The following MED15 variants were observed in gnomAD, a reference collection of about 807,000 sequenced individuals.
MED15 encodes mediator of RNA polymerase II transcription subunit 15.
A neutral mutation model predicts 118.7 loss-of-function variants in MED15; 41 were observed. The observed-to-expected ratio is 0.35, with a 90% CI of 0.27 to 0.45. The LOEUF is 0.45. Among genes scored for constraint, MED15 ranks in the 20% least tolerant of loss-of-function variants. The probability of loss-of-function intolerance (pLI) is 1.00; values close to 1 mark genes in which losing one functional copy is unlikely to be tolerated. For synonymous variants in MED15, 436 were observed against 413.9 expected, an observed-to-expected ratio of 1.05 and a Z score of -0.65; for missense variants, 740 against 1,025.5, an observed-to-expected ratio of 0.72 and a Z score of 3.80.
Position 20,551,385 on chromosome 22 carries a change from T to C in MED15, c.157-51T>C, listed in dbSNP as rs1037790377. The C allele has an allele frequency of 5.8e-6, 9 of 1,551,212 alleles. No individual in the cohort carries two copies. In the South Asian group the frequency reaches 1.0e-4, roughly 17 times the overall value. On this transcript the variant is annotated intron_variant, in intron 2 of 17. Transcript: ENST00000263205. ...GAGGGGGCGGGAAGGGGGAGTCCGA[T>C]GACTGCGCTTCTTCATCTGGTATTA...
At chr22:20,531,856 C>T (rs1262014977) in intron 1 of MED15, among the ~76,000 whole-genome samples, 2 of 152,230 alleles carry the variant, frequency 1.3e-5, no homozygotes, top group Non-Finnish European at 2.9e-5. Context: ...TACAGGGTTT[C>T]TGTGCAGCCG....
intron 1 of MED15, among the ~76,000 whole-genome samples, chr22:20,524,072 C>T (rs765268040): frequency 6.6e-6 from 1 of 152,130 alleles, no homozygotes; most frequent in Admixed American, 6.5e-5. Flanking sequence ...GTTAAAAAAA[C>T]ACTTTTATGT....
chr22:20,583,902 A>C, intron 13 of MED15: 1 of 234,102 alleles, frequency 4.3e-6, no homozygotes, highest in Non-Finnish European at 8.5e-6. Flanking sequence ...AGTACCTCCA[A>C]ACTGCATGGG....
chr22:20,571,055 C>T (rs945336872), intron 8 of MED15, among the ~76,000 whole-genome samples: 1 of 152,180 alleles, frequency 6.6e-6, no homozygotes, highest in African/African-American at 2.4e-5. Context: ...CCACTGTGCC[C>T]AGCCGAACTT....
intron 1 of MED15, among the ~76,000 whole-genome samples, chr22:20,532,530 G>T (rs1317970638): frequency 6.6e-6 from 1 of 152,186 alleles, no homozygotes; most frequent in Non-Finnish European, 1.5e-5. Flanking sequence ...CACAGACATA[G>T]CTATGGCAAC....
At chr22:20,585,862 G>A (rs2057120066) in intron 17 of MED15, 36 bp downstream of exon 17, 1 of 1,592,372 alleles carries the variant, frequency 6.3e-7, no homozygotes, top group Non-Finnish European at 8.6e-7. Context: ...GGGGACCCAG[G>A]GCAAGCAGGG....
At chr22:20,564,779 A>T in intron 6 of MED15, 91 bp downstream of exon 6, 1 of 1,576,260 alleles carries the variant, frequency 6.3e-7, no homozygotes, top group South Asian at 1.2e-5. Flanking sequence ...CAGTGCCCGG[A>T]GCCAGCCGAG....
intron 1 of MED15, among the ~76,000 whole-genome samples, chr22:20,529,026 G>T (rs1490862211): frequency 1.3e-5 from 2 of 152,138 alleles, no homozygotes; most frequent in Non-Finnish European, 2.9e-5. Context: ...CACTGGGTGG[G>T]CGCACCCCCT....
intron 1 of MED15, among the ~76,000 whole-genome samples, chr22:20,510,314 A>C (rs57046550): frequency 0.022 from 3,359 of 152,180 alleles, 44 homozygotes; most frequent in South Asian, 0.058. Context: ...TGAACCCGGG[A>C]GGCGGAGGTT....
At chr22:20,575,967 G>T (rs2056813220) in intron 9 of MED15, among the ~76,000 whole-genome samples, 1 of 152,138 alleles carries the variant, frequency 6.6e-6, no homozygotes, top group Non-Finnish European at 1.5e-5. Context: ...GATGTGTAGA[G>T]TGTGTAATTT....
intron 1 of MED15, among the ~76,000 whole-genome samples, chr22:20,519,288 C>G (rs190429143): frequency 5.7e-4 from 87 of 152,266 alleles, no homozygotes; most frequent in Non-Finnish European, 8.7e-4. Flanking sequence ...TAATGACTCT[C>G]TTTCTAGTCT....
Position 20,555,651 on chromosome 22 carries a change from C to T in MED15, c.451+503C>T, listed in dbSNP as rs572586299. Among the ~76,000 whole-genome samples, 5 of 152,358 alleles carry T rather than the reference C, an allele frequency of 3.3e-5. No homozygotes were observed. In the South Asian group the frequency reaches 1.0e-3, roughly 32 times the overall value. On this transcript the variant is annotated intron_variant, in intron 5 of 17. Coordinates refer to ENST00000263205, the MANE Select transcript of MED15 (RefSeq NM_001003891.3). ...TCCACACGGCTGCTGTGGTGGGAAA[C>T]TGGGCTGTGATCAGGTGTTATAGGT...
At chr22:20,570,256 C>T (rs1304573884) in intron 8 of MED15, among the ~76,000 whole-genome samples, 1 of 151,784 alleles carries the variant, frequency 6.6e-6, no homozygotes, top group Admixed American at 6.6e-5. Context: ...ATCTCTTGAC[C>T]TCGTGATCTG....
chr22:20,583,000 T>C (rs374607898), intron 11 of MED15, 33 bp downstream of exon 11: 3 of 1,601,118 alleles, frequency 1.9e-6, no homozygotes, highest in African/African-American at 1.3e-5. Context: ...AGGTCACTCC[T>C]CACCTTTATG....
At chr22:20,548,118 C>T (rs1386326315) in intron 2 of MED15, among the ~76,000 whole-genome samples, 1 of 152,096 alleles carries the variant, frequency 6.6e-6, no homozygotes, top group Non-Finnish European at 1.5e-5. Context: ...GCTGGGATTA[C>T]AAGACTGTGC....
intron 5 of MED15, among the ~76,000 whole-genome samples, chr22:20,561,209 G>A (rs2056226166): frequency 6.6e-6 from 1 of 152,018 alleles, no homozygotes; most frequent in African/African-American, 2.4e-5. Context: ...AATCAAAAAA[G>A]ACAAAGAAGC....
chr22:20,535,351 A>C (rs1046380120), intron 1 of MED15, among the ~76,000 whole-genome samples: 2 of 152,096 alleles, frequency 1.3e-5, no homozygotes, highest in African/African-American at 4.8e-5. Flanking sequence ...CTCAGCATTA[A>C]ACCTCCTTTC....
chr22:20,542,295 T>C (rs1324241692), intron 2 of MED15, among the ~76,000 whole-genome samples: 1 of 152,156 alleles, frequency 6.6e-6, no homozygotes, highest in Non-Finnish European at 1.5e-5. Flanking sequence ...TATAACATCA[T>C]AAATAGCCAA....
At chr22:20,541,033 C>A (rs1482831145) in intron 2 of MED15, among the ~76,000 whole-genome samples, 6 of 152,082 alleles carry the variant, frequency 3.9e-5, no homozygotes, top group Non-Finnish European at 5.9e-5. Flanking sequence ...TTGAGACCAT[C>A]CTGGCTAACA....
Sources: allele counts gnomAD v4.1 joint callset (sites outside exome capture counted in the v4.1 genomes callset), GRCh38; gene constraint gnomAD v4.1.1; transcripts MANE v1.5; gene names NCBI Gene and HGNC (gene_info 2026-07-23, HGNC 2026-07-21).